Variants in CELF2 observed in about 807,000 individuals in gnomAD.
CELF2 encodes CUG triplet repeat RNA-binding protein 2.
A neutral mutation model predicts 62.6 loss-of-function variants in CELF2; 8 were observed. The observed-to-expected ratio is 0.13, with a 90% CI of 0.07 to 0.23. The LOEUF (loss-of-function observed/expected upper bound fraction) is 0.23, where lower values mean the gene tolerates loss of function less well. CELF2 is among the 10% of genes least tolerant of loss of function. CELF2 has a pLI of 1.00. For synonymous variants in CELF2, 258 were observed against 250.0 expected (o/e 1.03, Z -0.30); for missense variants, 333 against 671.0 (o/e 0.50, Z 5.56).
chr10:10,680,126 A>G, the CELF2 span, among the ~76,000 whole-genome samples: 1 of 150,398 alleles, frequency 6.6e-6, no homozygotes, highest in Non-Finnish European at 1.5e-5. Flanking sequence ...CTCGGGTAGC[A>G]TGATTTGTAT....
chr10:10,775,236 G>A, the CELF2 span, among the ~76,000 whole-genome samples: 2 of 152,126 alleles, frequency 1.3e-5, no homozygotes, highest in Non-Finnish European at 1.5e-5. Context: ...AATATCTAGG[G>A]AAAGGAACAG....
At chr10:10,755,831 GGAA>G in the CELF2 span, among the ~76,000 whole-genome samples, 5 of 152,020 alleles carry the variant, frequency 3.3e-5, no homozygotes, top group Non-Finnish European at 7.4e-5. Context: ...TGTTTTCTTG[GGAA>G]GAAGAAATGA....
chr10:11,051,821 A>G (rs2063982289), intron 1 of CELF2, among the ~76,000 whole-genome samples: 1 of 152,172 alleles, frequency 6.6e-6, no homozygotes, highest in Admixed American at 6.5e-5. Context: ...TGTAGGATTA[A>G]CCATACAATC....
rs1565228450 is a variant in CELF2 at position 11,196,993 on chromosome 10, G to GAAA, written c.272-20432_272-20431insAAA. ...AGAAAGAAAGAGAGAAAGAAAGAAA[G>GAAA]GAAGGAAGGAGAAAGAAAGAAAGAA... On this transcript the variant is annotated intron_variant, in intron 2 of 12. Transcript: ENST00000633077. Among the ~76,000 whole-genome samples, 55 of 68,920 alleles carry GAAA rather than the reference G, an allele frequency of 8.0e-4. 4 individuals are homozygous for GAAA. Among genetic ancestry groups the GAAA allele is most frequent in the African/African-American group, 2.6e-3 (47 of 18,048 alleles). 45.2% of individuals were successfully genotyped at this position (68,920 alleles called of 152,430 possible).
At chr10:10,805,984 C>T (rs946129337) in intron 1 of CELF2, among the ~76,000 whole-genome samples, 4 of 152,178 alleles carry the variant, frequency 2.6e-5, no homozygotes, top group African/African-American at 9.7e-5. Flanking sequence ...TTGGAGCTGA[C>T]TGTAAACTCA....
At chr10:10,477,062 A>G in the CELF2 span, among the ~76,000 whole-genome samples, 1 of 152,362 alleles carries the variant, frequency 6.6e-6, no homozygotes, top group East Asian at 1.9e-4. Context: ...GCCAACTCAG[A>G]TATCTGTACA....
chr10:10,496,669 T>C, the CELF2 span, among the ~76,000 whole-genome samples: 1 of 152,174 alleles, frequency 6.6e-6, no homozygotes, highest in Non-Finnish European at 1.5e-5. Context: ...TAACATAAGC[T>C]AGAACCTGAA....
chr10:11,178,280 C>T lies in CELF2; in HGVS notation c.271+12598C>T, dbSNP rs1054288030. Among the ~76,000 whole-genome samples the T allele has an allele frequency of 2.0e-5, 3 of 152,182 alleles. No individual in the cohort carries two copies. The highest frequency in any genetic ancestry group is 2.9e-5 in the Non-Finnish European group (2 of 68,038). ...GGGAACTGGACGGTGACCACCAGTC[C>T]GTTTTACACAGGCCACCATACAGCT... On this transcript the variant is annotated intron_variant, in intron 2 of 12. Coordinates refer to ENST00000633077, the MANE Select transcript of CELF2 (RefSeq NM_001326342.2). The surrounding 1 kb of genome is among the most constrained non-coding windows in gnomAD (Gnocchi z 4.3).
intron 3 of CELF2, among the ~76,000 whole-genome samples, chr10:11,231,157 T>G (rs1050471266): frequency 1.4e-4 from 22 of 152,234 alleles, no homozygotes; most frequent in Admixed American, 1.2e-3. Flanking sequence ...TTGAGTGAGT[T>G]CTGAGTTCTT....
At chr10:10,840,945 G>T (rs1260299635) in intron 1 of CELF2, among the ~76,000 whole-genome samples, 1 of 152,090 alleles carries the variant, frequency 6.6e-6, no homozygotes, top group South Asian at 2.1e-4. Flanking sequence ...TGCAGAGTTT[G>T]GTTTTCTGTT....
intron 2 of CELF2, among the ~76,000 whole-genome samples, chr10:10,977,638 A>T (rs1327420577): frequency 6.6e-6 from 1 of 152,190 alleles, no homozygotes; most frequent in East Asian, 1.9e-4. Flanking sequence ...CCCTTCTAAA[A>T]TTATGGGGAA....
the CELF2 span, among the ~76,000 whole-genome samples, chr10:10,512,012 G>A: frequency 3.3e-5 from 5 of 152,192 alleles, no homozygotes; most frequent in African/African-American, 7.2e-5. Context: ...CTGAATTATT[G>A]TAACCCTGGA....
chr10:10,558,588 T>C, the CELF2 span, among the ~76,000 whole-genome samples: 1 of 152,016 alleles, frequency 6.6e-6, no homozygotes, highest in Non-Finnish European at 1.5e-5. Flanking sequence ...TTCTATTGAT[T>C]GGAATAGTTT....
chr10:10,547,692 A>AGAGAGAGAGAGAGAGTGTGT, the CELF2 span, among the ~76,000 whole-genome samples: 2 of 138,006 alleles, frequency 1.4e-5, no homozygotes, highest in African/African-American at 5.6e-5. Flanking sequence ...AGAGAGAGAG[A>AGAGAGAGAGAGAGAGTGTGT]GTGTGTGTGT....
chr10:10,716,744 C>G, the CELF2 span, among the ~76,000 whole-genome samples: 5 of 152,180 alleles, frequency 3.3e-5, no homozygotes, highest in Admixed American at 2.0e-4. Context: ...AGTTTCAACA[C>G]AAGCACTGGC....
chr10:10,564,676 A>G, the CELF2 span, among the ~76,000 whole-genome samples: 714 of 135,286 alleles, frequency 5.3e-3, 6 homozygotes, highest in Middle Eastern at 7.0e-3. Context: ...ACACACACGC[A>G]CACACGCACA....
intron 9 of CELF2, among the ~76,000 whole-genome samples, chr10:11,289,464 G>T (rs1250205320): frequency 6.6e-6 from 1 of 152,350 alleles, no homozygotes; most frequent in Non-Finnish European, 1.5e-5. Context: ...TTTGACTTGA[G>T]GGAGGAATGA....
chr10:10,689,754 C>A, the CELF2 span, among the ~76,000 whole-genome samples: 2 of 152,152 alleles, frequency 1.3e-5, no homozygotes, highest in South Asian at 4.1e-4. Flanking sequence ...GCCCTCTATT[C>A]AGCCAAGGAA....
At chr10:10,948,431 A>G (rs2135651319) in intron 2 of CELF2, 1 of 152,250 alleles carries the variant, frequency 6.6e-6, no homozygotes, top group Non-Finnish European at 1.5e-5. Flanking sequence ...TGGTTTCTAA[A>G]TTTGGGGGCT....
Sources: allele counts gnomAD v4.1 joint callset (sites outside exome capture counted in the v4.1 genomes callset), GRCh38; gene constraint gnomAD v4.1.1; non-coding constraint Gnocchi (gnomAD v3.1); transcripts MANE v1.5; gene names NCBI Gene and HGNC (gene_info 2026-07-23, HGNC 2026-07-21).